The following LILRA1 variants were observed in gnomAD, a reference collection of about 807,000 sequenced individuals.
LILRA1 encodes the protein leukocyte immunoglobulin-like receptor subfamily A member 1.
Under a neutral mutation model 51.6 loss-of-function variants are expected in LILRA1, and 51 were observed. The observed-to-expected ratio is 0.99, with a 90% confidence interval of 0.79 to 1.25. LILRA1 has a LOEUF of 1.25. LILRA1 is among the 50% of genes most tolerant of loss of function. LILRA1 has a pLI of 0.00. For synonymous variants in LILRA1, 305 were observed against 248.4 expected (o/e 1.23, Z -2.14); for missense variants, 660 against 611.7 (o/e 1.08, Z -0.83).
chr19:54,596,323 G>GC lies in LILRA1; in HGVS notation c.1099dup (p.Leu367ProfsTer11), dbSNP rs766823529. The GC allele has an allele frequency of 3.0e-5, 49 of 1,609,546 alleles. No individual in the cohort carries two copies. Among genetic ancestry groups the GC allele is most frequent in the Non-Finnish European group, 3.8e-5 (45 of 1,177,524 alleles). ...TCTGACCAAGGCGGGAGCAGCTGATGCCCCCCTCCGTCTCAGATCAATACA... is the reference window on the plus strand; with the variant it reads ...TCTGACCAAGGCGGGAGCAGCTGATGCCCCCCCTCCGTCTCAGATCAATACA... On this transcript the variant is annotated frameshift_variant, in exon 7 of 10. Transcript: ENST00000251372. LOFTEE classifies it high-confidence loss of function.
At chr19:54,598,204 A>G (rs1321553378) in intron 7 of LILRA1, among the ~76,000 whole-genome samples, 1 of 152,188 alleles carries the variant, frequency 6.6e-6, no homozygotes, top group East Asian at 1.9e-4. Context: ...AAAACTTTTA[A>G]AGCAATACTT....
chr19:54,598,510 C>T (rs1206499220), intron 7 of LILRA1, among the ~76,000 whole-genome samples: 1 of 152,094 alleles, frequency 6.6e-6, no homozygotes, highest in Admixed American at 6.6e-5. Flanking sequence ...GCAGCTCAGC[C>T]CTGGGCCTGG....
At position 54,594,923 on chromosome 19, in the gene LILRA1, C is replaced by T. The variant is rs749881354; in HGVS notation, c.329C>T (p.Pro110Leu). 6.2e-7 allele frequency: 1 copy of T among 1,612,822 alleles called. No homozygotes were observed. Among genetic ancestry groups the T allele is most frequent in the Admixed American group, 1.7e-5 (1 of 59,958 alleles). The stretch of plus-strand genomic sequence containing the variant: ...AGCCACACTGCAGGCTGGTCAGAGC[C>T]CAGTGACCCCCTGGAGCTGGTGGTG... Reference protein sequence around the residue: ...YGSHTAGWSEPSDPLELVVTG... With the variant: ...YGSHTAGWSELSDPLELVVTG... Residue 110 changes from proline (P) to leucine (L), a missense_variant, in exon 4 of 10, where the codon CCC (proline) becomes CTC (leucine). Physicochemically the swap from Pro to Leu is moderately conservative, Grantham distance 98. Coordinates refer to ENST00000251372, the MANE Select transcript of LILRA1 (RefSeq NM_006863.4).
rs771853952 is a variant in LILRA1, at chr19:54,596,244, A to T, written c.1014A>T (p.Ser338=). 1 of 1,614,048 alleles carries T rather than the reference A, an allele frequency of 6.2e-7. No homozygotes were observed. The highest frequency in any genetic ancestry group is 2.2e-5 in the East Asian group (1 of 44,872). The change falls in exon 7 of 10, where the codon TCA becomes TCT. Residue 338 remains serine, a synonymous_variant. Transcript: ENST00000251372. ...ISVHPGPTVA[S]GENVTLLCQS... ...TGCATCCGGGCCCCACGGTGGCCTC[A>T]GGAGAGAACGTGACCCTGCTGTGTC...
rs765734637 is a variant in LILRA1, at chr19:54,600,580, G to T, written c.1351+30G>T. On this transcript the variant is annotated intron_variant, in intron 9 of 9. Transcript: ENST00000251372. The stretch of plus-strand genomic sequence containing the variant: ...GTGAGGAGATGCTCTCGTTTACGGT[G>T]CTGGGCACAAGGGTTGGGTCCTGTC... 5.6e-6 allele frequency: 9 copies of T among 1,613,852 alleles called. No individual in the cohort carries two copies. In the East Asian group the frequency reaches 1.3e-4, roughly 24 times the overall value.
intron 7 of LILRA1, among the ~76,000 whole-genome samples, 175 bp from the exon 8 acceptor site, chr19:54,599,061 T>C (rs985687882): frequency 5.9e-5 from 9 of 152,138 alleles, no homozygotes; most frequent in Non-Finnish European, 1.5e-5. Context: ...CCCAAAATGC[T>C]GGGATTACAG....
At position 54,600,736 on chromosome 19, in the gene LILRA1, C is replaced by T. The variant is rs1395944236; in HGVS notation, c.1389C>T (p.Ile463=). 1 of 1,614,124 alleles carries T rather than the reference C, an allele frequency of 6.2e-7. No homozygotes were observed. The highest frequency in any genetic ancestry group is 1.7e-5 in the Admixed American group (1 of 60,024). The change falls in exon 10 of 10, where the codon ATC becomes ATT. Residue 463 remains isoleucine (I), a synonymous_variant. Transcript: ENST00000251372. ...HPQDYTVENL[I]RMGIAGLVLV... ...AGGATTACACAGTGGAGAATCTCAT[C>T]CGCATGGGCATAGCTGGCTTGGTCC...
At chr19:54,594,990 C>A (rs1265733009) in intron 4 of LILRA1, 38 bp downstream of exon 4, 1 of 1,610,508 alleles carries the variant, frequency 6.2e-7, no homozygotes, top group Non-Finnish European at 8.5e-7. Context: ...CCAGGCTCTG[C>A]CCTCAGGAAG....
Position 54,595,413 on chromosome 19 carries a change from C to A in LILRA1, c.661+11C>A. The A allele has an allele frequency of 6.3e-7, 1 of 1,599,076 alleles. No homozygotes were observed. The highest frequency in any genetic ancestry group is 1.1e-5 in the South Asian group (1 of 89,456). Reference sequence around the variant, plus strand: ...AGCTCCTGGTCCTAGGTGAGAAATTCACAGCATTGCCTGGAGTTCCCTGAG... The same window carrying A: ...AGCTCCTGGTCCTAGGTGAGAAATTAACAGCATTGCCTGGAGTTCCCTGAG... On this transcript the variant is annotated intron_variant, in intron 5 of 9. Transcript: ENST00000251372.
chr19:54,598,787 G>T (rs1245921969), intron 7 of LILRA1, among the ~76,000 whole-genome samples: 1 of 151,698 alleles, frequency 6.6e-6, no homozygotes. Flanking sequence ...AAATTAGAAC[G>T]AATATAATTA....
In LILRA1 at chr19:54,600,725, G is replaced by A. The variant is rs1400620477; in HGVS notation, c.1378G>A (p.Glu460Lys). ...CTCACACCCCCAGGATTACACAGTGGAGAATCTCATCCGCATGGGCATAGC... is the reference window on the plus strand; with the variant it reads ...CTCACACCCCCAGGATTACACAGTGAAGAATCTCATCCGCATGGGCATAGC... ...TASHPQDYTVENLIRMGIAGL... is the reference protein window; with the variant it reads ...TASHPQDYTVKNLIRMGIAGL... Residue 460 changes from glutamate to lysine, a missense_variant, in exon 10 of 10, where the codon GAG (glutamate) becomes AAG (lysine). Glu to Lys is a moderately conservative substitution (Grantham distance 56, BLOSUM62 1). Transcript: ENST00000251372. 1 of 1,614,030 alleles carries A rather than the reference G, an allele frequency of 6.2e-7. No homozygotes were observed. Among genetic ancestry groups the A allele is most frequent in the South Asian group, 1.1e-5 (1 of 91,066 alleles).
In LILRA1 at chr19:54,602,109, T is replaced by A. The variant is rs112935362; in HGVS notation, c.*1292T>A. The A allele has an allele frequency of 6.7e-6, 1 of 149,444 alleles. No homozygotes were observed. The highest frequency in any genetic ancestry group is 2.6e-5 in the African/African-American group (1 of 39,160). The allele number at this position is 149,444 out of a possible 1,614,324, so 9.3% of individuals were successfully genotyped here. On this transcript the variant is annotated 3_prime_UTR_variant, in exon 10 of 10. Coordinates refer to ENST00000251372, the MANE Select transcript of LILRA1 (RefSeq NM_006863.4). ...CCATCTACCCTGTAGAATAAAGAAA[T>A]CTTATCATTCACCGTCTACCCTCTA...
chr19:54,596,208 C>T lies in LILRA1; in HGVS notation c.978C>T (p.Pro326=). 6.2e-7 allele frequency: 1 copy of T among 1,614,004 alleles called. No homozygotes were observed. The highest frequency in any genetic ancestry group is 8.5e-7 in the Non-Finnish European group (1 of 1,179,940). The change falls in exon 7 of 10, where the codon CCC becomes CCT. Residue 326 remains proline (P), a synonymous_variant. Transcript: ENST00000251372. Reference sequence around the variant, plus strand: ...CTCCAGGACAGTTCCGTGGCAGACCCTTCATCTCGGTGCATCCGGGCCCCA... The same window carrying T: ...CTCCAGGACAGTTCCGTGGCAGACCTTTCATCTCGGTGCATCCGGGCCCCA... The part of the protein sequence containing the change: ...ILIAGQFRGR[P]FISVHPGPTV...
chr19:54,600,748 A>G lies in LILRA1; in HGVS notation c.1401A>G (p.Ile467Met). The change falls in exon 10 of 10, where the codon ATA becomes ATG. Residue 467 changes from isoleucine (I) to methionine (M), a missense_variant. Coordinates refer to ENST00000251372, the MANE Select transcript of LILRA1 (RefSeq NM_006863.4). ...YTVENLIRMG[I>M]AGLVLVVLGI... ...TGGAGAATCTCATCCGCATGGGCATAGCTGGCTTGGTCCTGGTGGTCCTCG... is the reference window on the plus strand; with the variant it reads ...TGGAGAATCTCATCCGCATGGGCATGGCTGGCTTGGTCCTGGTGGTCCTCG... 1 of 1,614,088 alleles carries G rather than the reference A, an allele frequency of 6.2e-7. No homozygotes were observed. The highest frequency in any genetic ancestry group is 1.1e-5 in the South Asian group (1 of 91,068).
intron 8 of LILRA1, chr19:54,599,626 CTTT>C (rs1006602337): frequency 3.0e-6 from 3 of 992,234 alleles, no homozygotes; most frequent in East Asian, 1.8e-4. Flanking sequence ...AATTTTACTT[CTTT>C]ATTTCTAAAT....
intron 7 of LILRA1, among the ~76,000 whole-genome samples, chr19:54,596,727 C>T (rs750791061): frequency 1.8e-4 from 27 of 152,030 alleles, no homozygotes; most frequent in Non-Finnish European, 2.8e-4. Flanking sequence ...ATTAGCCAAG[C>T]GTGGTGGCAG....
chr19:54,600,450 A>G, intron 8 of LILRA1, 62 bp from the exon 9 acceptor site: 1 of 1,544,492 alleles, frequency 6.5e-7, no homozygotes, highest in South Asian at 1.1e-5. Flanking sequence ...AGGGGAAGAT[A>G]AGAATGCAGA....
intron 7 of LILRA1, among the ~76,000 whole-genome samples, chr19:54,597,046 G>A (rs1258729623): frequency 3.3e-5 from 5 of 152,340 alleles, no homozygotes; most frequent in Middle Eastern, 3.4e-3. Flanking sequence ...GAGGAGATGA[G>A]AGTAGACTGA....
chr19:54,597,547 G>T (rs1052438976), intron 7 of LILRA1, among the ~76,000 whole-genome samples: 1 of 152,120 alleles, frequency 6.6e-6, no homozygotes, highest in Non-Finnish European at 1.5e-5. Flanking sequence ...GATGTGTGAC[G>T]AGTAGAAGAG....
Sources: gnomAD v4.1 joint callset for allele counts (sites outside exome capture counted in the v4.1 genomes callset) on GRCh38, gnomAD v4.1.1 for gene constraint, MANE v1.5 for transcripts, NCBI Gene and HGNC (gene_info 2026-07-23, HGNC 2026-07-21) for gene names.